The following CCND3 variants were observed in gnomAD, a reference collection of about 807,000 sequenced individuals.
CCND3 encodes G1/S-specific cyclin-D3.
CCND3 carries 9 observed loss-of-function variants against 28.7 expected under a neutral mutation model. That is an observed-to-expected ratio of 0.31 (90% CI 0.19 to 0.55). The LOEUF is 0.55. CCND3 is among the 20% of genes least tolerant of loss of function. The pLI, the probability that CCND3 is intolerant of heterozygous loss-of-function variation, is 0.93. For synonymous variants in CCND3, 164 were observed against 163.9 expected, an observed-to-expected ratio of 1.00 and a Z score of 0.00; for missense variants, 315 against 385.8, an observed-to-expected ratio of 0.82 and a Z score of 1.54.
chr6:41,955,068 C>G (rs1156306769), intron 1 of CCND3, among the ~76,000 whole-genome samples: 1 of 152,200 alleles, frequency 6.6e-6, no homozygotes, highest in African/African-American at 2.4e-5. Flanking sequence ...AATATCTTTA[C>G]TATCACTACT....
At chr6:42,009,679 C>T (rs938827454) in intron 1 of CCND3, among the ~76,000 whole-genome samples, 1 of 151,906 alleles carries the variant, frequency 6.6e-6, no homozygotes, top group Non-Finnish European at 1.5e-5. Flanking sequence ...TGGTGGCACA[C>T]GCCCATAGTC....
intron 1 of CCND3, among the ~76,000 whole-genome samples, chr6:41,989,334 A>T (rs938974216): frequency 2.0e-5 from 3 of 151,600 alleles, no homozygotes. Flanking sequence ...TCTTTGGTAT[A>T]TTAAAAGCTA....
At chr6:42,035,647 G>A (rs1764181844) in intron 1 of CCND3, among the ~76,000 whole-genome samples, 1 of 147,250 alleles carries the variant, frequency 6.8e-6, no homozygotes, top group Admixed American at 6.9e-5. Context: ...GATTACAGGT[G>A]TTAGCCACCG....
rs1170801783 is a variant in CCND3, at chr6:42,013,001, A to C, written c.-46+35500T>G. On this transcript the variant is annotated intron_variant, in intron 1 of 4. Transcript: ENST00000372988. ...ACCTTCCTTCCTGGAGCCTCTACCC[A>C]CTGGTCCGGTCCTGTTTTCTGGGTA... 2.6e-5 allele frequency among the ~76,000 whole-genome samples: 4 copies of C among 151,860 alleles called. No homozygotes were observed. The East Asian group carries it at 7.7e-4, about 29-fold the overall frequency.
Position 41,941,129 on chromosome 6 carries a change from A to C in CCND3, c.198+323T>G. ...AGGGTTTTCCAGGCGCGCTCTCCGGAGAAGGCCGGGAGGCGGAGGGAAGCG... is the reference window on the plus strand; with the variant it reads ...AGGGTTTTCCAGGCGCGCTCTCCGGCGAAGGCCGGGAGGCGGAGGGAAGCG... On this transcript the variant is annotated intron_variant, in intron 1 of 4. Transcript: ENST00000372991. This position sits in a 1 kb window ranked among gnomAD's most constrained non-coding sequence, Gnocchi z 6.1. 1 of 1,496,978 alleles carries C rather than the reference A, an allele frequency of 6.7e-7. No individual in the cohort carries two copies. The highest frequency in any genetic ancestry group is 1.3e-5 in the South Asian group (1 of 74,226). The allele number at this position is 1,496,978 out of a possible 1,614,324, so 92.7% of individuals were successfully genotyped here.
chr6:42,004,015 AAAG>A (rs1763104867), intron 1 of CCND3, among the ~76,000 whole-genome samples: 2 of 151,852 alleles, frequency 1.3e-5, no homozygotes, highest in South Asian at 2.1e-4. Context: ...TGATCAATAA[AAAG>A]AAGATTCAGA....
intron 1 of CCND3, among the ~76,000 whole-genome samples, chr6:42,035,503 G>T (rs1167183613): frequency 1.3e-5 from 2 of 151,676 alleles, no homozygotes; most frequent in Non-Finnish European, 2.9e-5. Context: ...GAGTAGCTGG[G>T]ACTACAGGTG....
chr6:41,961,730 C>T (rs1761721666), intron 1 of CCND3, among the ~76,000 whole-genome samples: 1 of 152,090 alleles, frequency 6.6e-6, no homozygotes. Flanking sequence ...TGACATTGCT[C>T]CAGCTCTACC....
intron 1 of CCND3, among the ~76,000 whole-genome samples, chr6:42,040,664 C>T (rs1764343484): frequency 6.6e-6 from 1 of 151,912 alleles, no homozygotes; most frequent in African/African-American, 2.4e-5. Context: ...CCAGACTGGC[C>T]AACATGGTGA....
At chr6:42,022,910 T>G (rs1232067652) in intron 1 of CCND3, among the ~76,000 whole-genome samples, 2 of 152,220 alleles carry the variant, frequency 1.3e-5, no homozygotes, top group Non-Finnish European at 2.9e-5. Context: ...GGAGGCCCCA[T>G]GCTGGGCCAG....
At chr6:41,993,410 CTTTT>C (rs70987558) in intron 1 of CCND3, among the ~76,000 whole-genome samples, 2 of 101,678 alleles carry the variant, frequency 2.0e-5, no homozygotes, top group African/African-American at 3.7e-5. Flanking sequence ...CTCATGTCTT[CTTTT>C]TTTTTTTTTT....
intron 1 of CCND3, among the ~76,000 whole-genome samples, chr6:41,988,956 C>T (rs1317899101): frequency 6.6e-6 from 1 of 151,840 alleles, no homozygotes; most frequent in Non-Finnish European, 1.5e-5. Context: ...GCCTCGGCCT[C>T]CCAAAGTGCT....
intron 1 of CCND3, among the ~76,000 whole-genome samples, chr6:42,000,048 A>G (rs200646585): frequency 6.6e-6 from 1 of 150,830 alleles, no homozygotes; most frequent in African/African-American, 2.4e-5. Context: ...AGGCCTGTGT[A>G]TGTGTGTGTG....
intron 1 of CCND3, among the ~76,000 whole-genome samples, chr6:41,963,568 C>T (rs1320093154): frequency 6.6e-6 from 1 of 152,204 alleles, no homozygotes; most frequent in African/African-American, 2.4e-5. Context: ...GATACCAAGG[C>T]AGGCAATCAG....
chr6:42,019,112 G>C (rs1487976834), intron 1 of CCND3, among the ~76,000 whole-genome samples: 2 of 151,952 alleles, frequency 1.3e-5, no homozygotes, highest in Non-Finnish European at 2.9e-5. Flanking sequence ...CTATAAATAA[G>C]TATATCATCA....
chr6:41,951,086 A>T (rs1306954164), intron 1 of CCND3, among the ~76,000 whole-genome samples: 2 of 152,100 alleles, frequency 1.3e-5, no homozygotes, highest in Admixed American at 6.6e-5. Context: ...CTAAGATGTC[A>T]TGAAGACAGA....
chr6:42,031,557 AAC>A (rs1224050573), intron 1 of CCND3, among the ~76,000 whole-genome samples: 2 of 152,198 alleles, frequency 1.3e-5, no homozygotes, highest in African/African-American at 2.4e-5. Flanking sequence ...TACTTATGGA[AAC>A]ACAACTCATG....
chr6:41,969,093 G>A (rs1206674430), intron 1 of CCND3, among the ~76,000 whole-genome samples: 1 of 152,018 alleles, frequency 6.6e-6, no homozygotes, highest in African/African-American at 2.4e-5. Context: ...ACCATGCCCG[G>A]CCTCTGTATT....
At chr6:42,021,089 C>A (rs1390420275) in intron 1 of CCND3, among the ~76,000 whole-genome samples, 1 of 152,132 alleles carries the variant, frequency 6.6e-6, no homozygotes, top group African/African-American at 2.4e-5. Context: ...ACCCATCGTG[C>A]AGTACAAAAA....
Sources: allele counts gnomAD v4.1 joint callset (sites outside exome capture counted in the v4.1 genomes callset), GRCh38; gene constraint gnomAD v4.1.1; non-coding constraint Gnocchi (gnomAD v3.1); transcripts MANE v1.5; gene names NCBI Gene and HGNC (gene_info 2026-07-23, HGNC 2026-07-21).